The following CSMD1 variants were observed in gnomAD, a reference collection of about 807,000 sequenced individuals.
CSMD1 encodes the protein CUB and sushi domain-containing protein 1.
In CSMD1, 213 loss-of-function variants were observed where a neutral mutation model predicts 417.5. The observed-to-expected ratio is 0.51, with a 90% CI of 0.46 to 0.57. The LOEUF is 0.57. CSMD1 is among the 20% of genes least tolerant of loss of function. The probability of loss-of-function intolerance (pLI) is 0.00; values close to 1 mark genes in which losing one functional copy is unlikely to be tolerated. For missense variants in CSMD1, 6,923 were observed against 4,529.7 expected (o/e 1.53, Z -15.17); for synonymous variants, 2,862 against 1,736.8 (o/e 1.65, Z -16.11).
intron 5 of CSMD1, among the ~76,000 whole-genome samples, chr8:3,867,346 G>C (rs1447696176): frequency 2.0e-5 from 3 of 152,130 alleles, no homozygotes; most frequent in African/African-American, 4.8e-5. Context: ...TAGGAGGACA[G>C]ACTGGATGTC....
At chr8:4,160,321 A>G (rs961763068) in intron 3 of CSMD1, among the ~76,000 whole-genome samples, 1 of 152,208 alleles carries the variant, frequency 6.6e-6, no homozygotes, top group African/African-American at 2.4e-5. Flanking sequence ...AAGCATAAAA[A>G]TAAAATAATG....
intron 12 of CSMD1, among the ~76,000 whole-genome samples, chr8:3,443,500 G>C (rs764249422): frequency 6.6e-6 from 1 of 152,142 alleles, no homozygotes; most frequent in Non-Finnish European, 1.5e-5. Flanking sequence ...ATATGTGTGC[G>C]TCTGTTTCTT....
intron 2 of CSMD1, among the ~76,000 whole-genome samples, chr8:4,543,382 G>A (rs1375414775): frequency 2.0e-5 from 3 of 151,986 alleles, no homozygotes; most frequent in Non-Finnish European, 4.4e-5. Flanking sequence ...TCATATATCT[G>A]GAATTATACA....
chr8:3,551,478 A>G (rs1050195620), intron 10 of CSMD1, among the ~76,000 whole-genome samples: 5 of 151,918 alleles, frequency 3.3e-5, no homozygotes, highest in African/African-American at 7.2e-5. Flanking sequence ...TACCAAATAC[A>G]TAACTTTTAT....
At chr8:4,121,588 G>A (rs1179818124) in intron 3 of CSMD1, among the ~76,000 whole-genome samples, 1 of 143,008 alleles carries the variant, frequency 7.0e-6, no homozygotes, top group African/African-American at 2.6e-5. Flanking sequence ...TTTTTCAAAA[G>A]AGAAGTAAAT....
intron 12 of CSMD1, among the ~76,000 whole-genome samples, chr8:3,449,644 A>G (rs954617914): frequency 2.6e-5 from 4 of 151,972 alleles, no homozygotes; most frequent in African/African-American, 9.7e-5. Context: ...CAGCCTCCCA[A>G]GTAGCTGAGA....
chr8:4,929,103 C>G (rs563321460), intron 1 of CSMD1, among the ~76,000 whole-genome samples: 27 of 152,208 alleles, frequency 1.8e-4, no homozygotes, highest in African/African-American at 6.0e-4. Context: ...TTAGGATGGG[C>G]TTTAATTCAG....
At chr8:3,813,104 T>C (rs1801175280) in intron 5 of CSMD1, among the ~76,000 whole-genome samples, 1 of 151,826 alleles carries the variant, frequency 6.6e-6, no homozygotes, top group Non-Finnish European at 1.5e-5. Context: ...TTTTTTTTTT[T>C]TTTTTTAACT....
Position 3,950,912 on chromosome 8 carries a change from A to G in CSMD1, c.818+46991T>C, listed in dbSNP as rs144563773. Among the ~76,000 whole-genome samples the G allele has an allele frequency of 5.9e-3, 903 of 152,298 alleles. 9 individuals carry two copies. The highest frequency in any genetic ancestry group is 0.018 in the African/African-American group (732 of 41,574). On this transcript the variant is annotated intron_variant, in intron 5 of 69. Coordinates refer to ENST00000635120, the MANE Select transcript of CSMD1 (RefSeq NM_033225.6). ...AGAATACTTAATAAAAAATAAGGAA[A>G]ACCAATATTCATAATAAGCCCTGAA... is the stretch of plus-strand genomic sequence containing the variant.
chr8:3,299,592 C>T (rs1169128014), intron 25 of CSMD1, among the ~76,000 whole-genome samples: 3 of 151,732 alleles, frequency 2.0e-5, no homozygotes, highest in East Asian at 1.9e-4. Context: ...ATACAGCGGA[C>T]ATAGGTGTAA....
chr8:3,938,221 T>C (rs931329057), intron 5 of CSMD1, among the ~76,000 whole-genome samples: 1 of 152,126 alleles, frequency 6.6e-6, no homozygotes, highest in Non-Finnish European at 1.5e-5. Context: ...CAGTCACTGA[T>C]GAAGCCATGT....
chr8:4,909,707 C>G (rs1805532261), intron 1 of CSMD1, among the ~76,000 whole-genome samples: 1 of 152,196 alleles, frequency 6.6e-6, no homozygotes, highest in Non-Finnish European at 1.5e-5. Flanking sequence ...CTGCTTCCAG[C>G]AGCTCATGAA....
At chr8:3,582,166 C>G (rs188582578) in intron 9 of CSMD1, among the ~76,000 whole-genome samples, 1 of 152,196 alleles carries the variant, frequency 6.6e-6, no homozygotes, top group Non-Finnish European at 1.5e-5. Context: ...ATGGTCCCTG[C>G]TGTACCGAAC....
intron 1 of CSMD1, among the ~76,000 whole-genome samples, chr8:4,909,735 T>A (rs1193995008): frequency 6.6e-6 from 1 of 152,196 alleles, no homozygotes; most frequent in Non-Finnish European, 1.5e-5. Flanking sequence ...ATTTAAGTGA[T>A]CTCACCTGTA....
rs563434279 is a variant in CSMD1 at position 4,875,299 on chromosome 8, C to T, written c.85+119033G>A. ...TATACAAGCTCACTGATTCTCAGTTCGAAAATATGATATGACCTTGTAATA... is the reference window on the plus strand; with the variant it reads ...TATACAAGCTCACTGATTCTCAGTTTGAAAATATGATATGACCTTGTAATA... On this transcript the variant is annotated intron_variant, in intron 1 of 69. Transcript: ENST00000635120. Among the ~76,000 whole-genome samples the T allele has an allele frequency of 1.4e-3, 213 of 152,072 alleles. 2 individuals are homozygous for T. The highest frequency in any genetic ancestry group is 4.8e-3 in the African/African-American group (197 of 41,416).
intron 8 of CSMD1, among the ~76,000 whole-genome samples, chr8:3,606,882 T>G (rs1303628345): frequency 1.3e-5 from 2 of 151,892 alleles, no homozygotes; most frequent in Admixed American, 1.3e-4. Context: ...GGCAAATTTT[T>G]TTGTATTTTT....
intron 10 of CSMD1, among the ~76,000 whole-genome samples, chr8:3,512,507 A>G (rs1035781710): frequency 6.6e-6 from 1 of 151,854 alleles, no homozygotes; most frequent in Non-Finnish European, 1.5e-5. Context: ...GACCACATGA[A>G]CGGCTGGGCT....
chr8:3,127,168 G>A (rs920949918), intron 41 of CSMD1, among the ~76,000 whole-genome samples: 2 of 152,154 alleles, frequency 1.3e-5, no homozygotes, highest in Non-Finnish European at 2.9e-5. Flanking sequence ...GTACATGGTT[G>A]CCCTAGCGGG....
At chr8:4,938,180 TAGTC>T (rs1166803701) in intron 1 of CSMD1, among the ~76,000 whole-genome samples, 1 of 152,134 alleles carries the variant, frequency 6.6e-6, no homozygotes, top group African/African-American at 2.4e-5. Flanking sequence ...AATATAGAAA[TAGTC>T]AGAACTGTTG....
Sources: allele counts gnomAD v4.1 joint callset (sites outside exome capture counted in the v4.1 genomes callset), GRCh38; gene constraint gnomAD v4.1.1; transcripts MANE v1.5; gene names NCBI Gene and HGNC (gene_info 2026-07-23, HGNC 2026-07-21).